CSTPP1: variants seen among roughly 807,000 people sequenced by gnomAD.
CSTPP1 encodes UPF0705 protein C11orf49.
At chr11:47,066,985 A>G in the CSTPP1 span, among the ~76,000 whole-genome samples, 2 of 152,358 alleles carry the variant, frequency 1.3e-5, no homozygotes, top group East Asian at 1.9e-4. Context: ...CGATTAGCCT[A>G]TGATGAAATT....
At chr11:47,035,135 A>G in the CSTPP1 span, among the ~76,000 whole-genome samples, 6 of 152,232 alleles carry the variant, frequency 3.9e-5, no homozygotes, top group Admixed American at 2.6e-4. Context: ...ATGTAGCTGC[A>G]GCAACTGCTT....
the CSTPP1 span, among the ~76,000 whole-genome samples, chr11:47,132,931 A>C: frequency 6.6e-6 from 1 of 152,158 alleles, no homozygotes; most frequent in Non-Finnish European, 1.5e-5. Flanking sequence ...TAGTTTCTTT[A>C]TTTCTAAAAT....
chr11:46,987,428 G>C, the CSTPP1 span: 2 of 877,106 alleles, frequency 2.3e-6, no homozygotes, highest in Non-Finnish European at 3.7e-6. Flanking sequence ...TGAATGTTTA[G>C]TTTTGGTAGG....
At chr11:47,155,488 A>C in the CSTPP1 span, 1 of 582,704 alleles carries the variant, frequency 1.7e-6, no homozygotes, top group South Asian at 2.1e-5. Context: ...TGAACACCGC[A>C]GTGTTTTCAG....
At chr11:46,979,289 T>C in the CSTPP1 span, among the ~76,000 whole-genome samples, 1 of 152,338 alleles carries the variant, frequency 6.6e-6, no homozygotes, top group South Asian at 2.1e-4. Flanking sequence ...AATTTTCACC[T>C]TGTAATTTTA....
At chr11:47,025,553 A>G in the CSTPP1 span, among the ~76,000 whole-genome samples, 1 of 152,212 alleles carries the variant, frequency 6.6e-6, no homozygotes, top group East Asian at 1.9e-4. Flanking sequence ...TGGTTTGAGA[A>G]TTATTATACT....
chr11:46,997,604 C>T, the CSTPP1 span, among the ~76,000 whole-genome samples: 13 of 152,296 alleles, frequency 8.5e-5, no homozygotes, highest in African/African-American at 1.2e-4. Flanking sequence ...CTGTTGCTGG[C>T]GAGGATCTGC....
the CSTPP1 span, among the ~76,000 whole-genome samples, chr11:47,103,399 CAAA>C: frequency 2.3e-5 from 3 of 131,000 alleles, no homozygotes; most frequent in Non-Finnish European, 1.6e-5. Flanking sequence ...GACCCTGTCT[CAAA>C]AAAAAAAAAA....
chr11:46,936,787 A>G, the CSTPP1 span: 11 of 1,610,140 alleles, frequency 6.8e-6, no homozygotes, highest in Non-Finnish European at 8.5e-6. Context: ...TGGAGCTTTG[A>G]AGCCACCCCG....
the CSTPP1 span, chr11:47,162,085 A>G: frequency 2.0e-6 from 2 of 988,176 alleles, no homozygotes; most frequent in Non-Finnish European, 2.4e-6. Flanking sequence ...CCAGGAGGAC[A>G]TAACCGCTGT....
the CSTPP1 span, among the ~76,000 whole-genome samples, chr11:47,071,796 T>TG: frequency 6.6e-6 from 1 of 152,232 alleles, no homozygotes; most frequent in Non-Finnish European, 1.5e-5. Context: ...AGTTAAACTG[T>TG]AAGACAGCTG....
At chr11:46,949,498 G>A in the CSTPP1 span, among the ~76,000 whole-genome samples, 11 of 152,110 alleles carry the variant, frequency 7.2e-5, no homozygotes, top group Middle Eastern at 0.014. Flanking sequence ...GCTAATCTTT[G>A]TTACCATGCC....
At chr11:47,046,660 C>CTTTTTTTTTTTTTTTTTTTTT in the CSTPP1 span, among the ~76,000 whole-genome samples, 45 of 79,756 alleles carry the variant, frequency 5.6e-4, 1 homozygote, top group Admixed American at 9.7e-4. Flanking sequence ...ATCTTCTTTT[C>CTTTTTTTTTTTTTTTTTTTTT]TTTTTTTTTT....
chr11:46,936,784 T>G, the CSTPP1 span: 1 of 1,609,888 alleles, frequency 6.2e-7, no homozygotes, highest in Admixed American at 1.7e-5. Context: ...AGCTGGAGCT[T>G]TGAAGCCACC....
At chr11:46,966,633 T>C in the CSTPP1 span, among the ~76,000 whole-genome samples, 1 of 152,192 alleles carries the variant, frequency 6.6e-6, no homozygotes, top group Non-Finnish European at 1.5e-5. Context: ...AAACAGCTAG[T>C]TGAGCTTGCA....
At chr11:47,149,126 C>T in the CSTPP1 span, among the ~76,000 whole-genome samples, 1 of 152,214 alleles carries the variant, frequency 6.6e-6, no homozygotes, top group East Asian at 1.9e-4. Flanking sequence ...CTCCAGTTGC[C>T]TGTCCTAGGC....
the CSTPP1 span, among the ~76,000 whole-genome samples, chr11:47,107,995 G>T: frequency 6.6e-5 from 10 of 152,138 alleles, no homozygotes; most frequent in African/African-American, 2.4e-4. Flanking sequence ...GCGCATGTGC[G>T]CACACACACA....
At chr11:46,987,522 A>T in the CSTPP1 span, 1 of 503,064 alleles carries the variant, frequency 2.0e-6, no homozygotes, top group Non-Finnish European at 3.6e-6. Context: ...AATAGTTTTG[A>T]TTACAGTAGC....
the CSTPP1 span, among the ~76,000 whole-genome samples, chr11:47,048,497 G>A: frequency 1.3e-5 from 2 of 150,312 alleles, no homozygotes; most frequent in South Asian, 4.2e-4. Flanking sequence ...AAAGAAGGAA[G>A]GAGGGAAAGA....
Sources: allele counts gnomAD v4.1 joint callset (sites outside exome capture counted in the v4.1 genomes callset), GRCh38; gene constraint gnomAD v4.1.1; transcripts MANE v1.5; gene names NCBI Gene and HGNC (gene_info 2026-07-23, HGNC 2026-07-21).